Variants in NRXN1 observed in about 807,000 individuals in gnomAD.
NRXN1 encodes neurexin-1.
NRXN1 carries 39 observed loss-of-function variants against 150.9 expected under a neutral mutation model. That is an observed-to-expected ratio of 0.26 (90% CI 0.20 to 0.34). NRXN1 has a LOEUF of 0.34. NRXN1 is among the 10% of genes least tolerant of loss of function. The pLI is 1.00. For synonymous variants in NRXN1, 924 were observed against 757.0 expected (o/e 1.22, Z -3.62); for missense variants, 1,815 against 1,949.9 (o/e 0.93, Z 1.30).
At chr2:50,328,736 A>C (rs2152981492) in intron 17 of NRXN1, among the ~76,000 whole-genome samples, 1 of 152,262 alleles carries the variant, frequency 6.6e-6, no homozygotes, top group Non-Finnish European at 1.5e-5. Context: ...ACTCCATCTC[A>C]AAAACAAAAA....
chr2:50,820,948 A>G (rs887698320), intron 5 of NRXN1, among the ~76,000 whole-genome samples: 1 of 152,170 alleles, frequency 6.6e-6, no homozygotes, highest in Non-Finnish European at 1.5e-5. Context: ...TATGTGGAAA[A>G]CCATATCTAC....
chr2:50,674,086 T>C (rs1476319290), intron 5 of NRXN1, among the ~76,000 whole-genome samples: 3 of 151,918 alleles, frequency 2.0e-5, no homozygotes, highest in Non-Finnish European at 4.4e-5. Context: ...ACCCCAGAAC[T>C]TAAAGTATAA....
chr2:50,045,468 C>T (rs1243673458), intron 21 of NRXN1, among the ~76,000 whole-genome samples: 1 of 152,122 alleles, frequency 6.6e-6, no homozygotes, highest in African/African-American at 2.4e-5. Flanking sequence ...CCTCAGCCTC[C>T]CAAGTAGCTG....
intron 5 of NRXN1, among the ~76,000 whole-genome samples, chr2:50,680,408 A>T (rs1690204371): frequency 6.6e-6 from 1 of 152,092 alleles, no homozygotes; most frequent in South Asian, 2.1e-4. Flanking sequence ...AAGAAAAAAG[A>T]TTTTAAAATA....
At chr2:50,680,145 G>C (rs1320742130) in intron 5 of NRXN1, among the ~76,000 whole-genome samples, 1 of 151,936 alleles carries the variant, frequency 6.6e-6, no homozygotes. Flanking sequence ...CAAAGACCCT[G>C]TCTCAAAAAT....
intron 5 of NRXN1, among the ~76,000 whole-genome samples, chr2:50,839,280 C>T (rs1672529987): frequency 6.6e-6 from 1 of 152,016 alleles, no homozygotes; most frequent in African/African-American, 2.4e-5. Flanking sequence ...TCATTTTTAT[C>T]TCATGATCCC....
At chr2:51,030,686 T>C (rs553674650) in intron 1 of NRXN1, among the ~76,000 whole-genome samples, 73 of 152,320 alleles carry the variant, frequency 4.8e-4, no homozygotes, top group Non-Finnish European at 6.6e-4. Flanking sequence ...AGTCATATCT[T>C]GTCTTCTCCT....
chr2:50,434,654 C>G (rs1169657283), intron 17 of NRXN1, among the ~76,000 whole-genome samples: 1 of 152,030 alleles, frequency 6.6e-6, no homozygotes, highest in African/African-American at 2.4e-5. Context: ...ATATTTACAG[C>G]CAATAAAAAC....
intron 17 of NRXN1, among the ~76,000 whole-genome samples, chr2:50,432,065 C>T (rs368623131): frequency 1.3e-5 from 2 of 152,192 alleles, no homozygotes; most frequent in South Asian, 2.1e-4. Flanking sequence ...AAGTATTGCT[C>T]GATGTTAGCT....
At chr2:50,703,241 T>C (rs1270127179) in intron 5 of NRXN1, among the ~76,000 whole-genome samples, 1 of 151,920 alleles carries the variant, frequency 6.6e-6, no homozygotes, top group Non-Finnish European at 1.5e-5. Context: ...CTCCTAATAG[T>C]GAGACAGAAT....
chr2:50,291,196 G>A (rs1113099), intron 17 of NRXN1, among the ~76,000 whole-genome samples: 33,520 of 150,600 alleles, frequency 0.22, 4,274 homozygotes, highest in East Asian at 0.36. Flanking sequence ...ATTGGCTCAC[G>A]TGCTTCCCAC....
chr2:50,045,650 A>G (rs1261972217), intron 21 of NRXN1, among the ~76,000 whole-genome samples: 2 of 152,250 alleles, frequency 1.3e-5, no homozygotes, highest in African/African-American at 4.8e-5. Context: ...AACAATTTGT[A>G]GAGCTGATAA....
At chr2:50,553,150 AT>A (rs1360412575) in intron 8 of NRXN1, 125 bp from the exon 9 acceptor site, 1 of 700,258 alleles carries the variant, frequency 1.4e-6, no homozygotes, top group Non-Finnish European at 2.4e-6. Context: ...ATTTTGTTGT[AT>A]AAAGGCAACA....
intron 17 of NRXN1, among the ~76,000 whole-genome samples, chr2:50,424,876 T>G (rs1367293973): frequency 6.6e-6 from 1 of 152,206 alleles, no homozygotes; most frequent in East Asian, 1.9e-4. Context: ...TATTTCGTAT[T>G]GCATAATATT....
intron 9 of NRXN1, among the ~76,000 whole-genome samples, chr2:50,550,401 C>A (rs1055326361): frequency 2.6e-5 from 4 of 152,052 alleles, no homozygotes; most frequent in Non-Finnish European, 1.5e-5. Context: ...GCTATAAAAT[C>A]TGACTTAAAA....
chr2:50,760,302 C>T (rs1701659829), intron 5 of NRXN1, among the ~76,000 whole-genome samples: 1 of 151,842 alleles, frequency 6.6e-6, no homozygotes, highest in Non-Finnish European at 1.5e-5. Context: ...GAGAAGGGGC[C>T]TTGTATTTTA....
chr2:50,397,725 A>G (rs2082136962), intron 17 of NRXN1, among the ~76,000 whole-genome samples: 2 of 152,094 alleles, frequency 1.3e-5, no homozygotes, highest in Non-Finnish European at 2.9e-5. Context: ...CTCAAAGGAA[A>G]TCTGTTGTGT....
In NRXN1 at chr2:50,824,456, G is replaced by C. The variant is rs895511393; in HGVS notation, c.832+97413C>G. On this transcript the variant is annotated intron_variant, in intron 5 of 22. Coordinates refer to ENST00000401669, the MANE Select transcript of NRXN1 (RefSeq NM_001330078.2). ...TGTAGGGAAAGGTGATGCCTAAAAA[G>C]ACTACCATTCCTAAAATCTTATGAT... 4.0e-5 allele frequency among the ~76,000 whole-genome samples: 6 copies of C among 151,606 alleles called. No individual in the cohort carries two copies. In the East Asian group the frequency reaches 9.7e-4, roughly 25 times the overall value.
intron 21 of NRXN1, among the ~76,000 whole-genome samples, chr2:50,001,218 G>A (rs990992692): frequency 6.6e-6 from 1 of 152,168 alleles, no homozygotes; most frequent in Non-Finnish European, 1.5e-5. Flanking sequence ...ACTGTGGATG[G>A]TAATCTTTAT....
Sources: gnomAD v4.1 joint callset for allele counts (sites outside exome capture counted in the v4.1 genomes callset) on GRCh38, gnomAD v4.1.1 for gene constraint, MANE v1.5 for transcripts, NCBI Gene and HGNC (gene_info 2026-07-23, HGNC 2026-07-21) for gene names.